Variants in CCDC18 observed in about 807,000 individuals in gnomAD.
CCDC18 encodes coiled-coil domain containing 18.
Under a neutral mutation model 196.0 loss-of-function variants are expected in CCDC18, and 157 were observed. The ratio of observed to expected loss-of-function variants is 0.80; its 90% CI spans 0.70 to 0.91. CCDC18 has a LOEUF of 0.91. CCDC18 is among the 40% of genes least tolerant of loss of function. CCDC18 has a pLI of 0.00. For missense variants in CCDC18, 1,465 were observed against 1,611.6 expected (o/e 0.91, Z 1.56); for synonymous variants, 482 against 529.2 (o/e 0.91, Z 1.22).
chr1:93,236,181 A>G, intron 18 of CCDC18, 67 bp from the exon 19 acceptor site: 1 of 1,255,986 alleles, frequency 8.0e-7, no homozygotes, highest in Non-Finnish European at 1.1e-6. Context: ...CTGATAAGCT[A>G]GGTTACATAT....
Position 93,230,709 on chromosome 1 carries a change from T to A in CCDC18, c.2293-1717T>A, listed in dbSNP as rs112942134. Among the ~76,000 whole-genome samples, 244 of 152,306 alleles carry A rather than the reference T, an allele frequency of 1.6e-3. 1 individual carries two copies. The highest frequency in any genetic ancestry group is 5.5e-3 in the African/African-American group (229 of 41,574). ...GGCTTTGTGTTTTGGTTAGATCTTA[T>A]TTTTTTCTTCTGTTTTGTCTTATTT... On this transcript the variant is annotated intron_variant, in intron 17 of 28. Transcript: ENST00000690025.
At position 93,211,090 on chromosome 1, in the gene CCDC18, C is replaced by T. The variant is rs554466426; in HGVS notation, c.1334+164C>T. On this transcript the variant is annotated intron_variant, in intron 10 of 28. Transcript: ENST00000690025. ...AGGAGTTCGAGACCAGCCTGACCAACATGGTGAAACCTCGTCTCTACTAAA... is the reference window on the plus strand; with the variant it reads ...AGGAGTTCGAGACCAGCCTGACCAATATGGTGAAACCTCGTCTCTACTAAA... Among the ~76,000 whole-genome samples the T allele has an allele frequency of 1.8e-4, 28 of 152,092 alleles. 1 individual carries two copies. Among genetic ancestry groups the T allele is most frequent in the Admixed American group, 2.6e-4 (4 of 15,278 alleles).
intron 18 of CCDC18, among the ~76,000 whole-genome samples, chr1:93,234,134 TG>T (rs1005643239): frequency 1.7e-3 from 254 of 150,788 alleles, no homozygotes; most frequent in African/African-American, 6.0e-3. Context: ...TGTTTTGTTT[TG>T]TTTTTTTTTA....
chr1:93,232,287 T>A (rs1659350133), intron 17 of CCDC18, 139 bp from the exon 18 acceptor site: 1 of 532,630 alleles, frequency 1.9e-6, no homozygotes, highest in Admixed American at 3.5e-5. Flanking sequence ...GTCCTTCCAA[T>A]GACAAACTAT....
intron 28 of CCDC18, chr1:93,271,589 A>T (rs1340396884): frequency 1.1e-6 from 1 of 945,070 alleles, no homozygotes; most frequent in Non-Finnish European, 1.3e-6. Flanking sequence ...AATCCCAGCT[A>T]TCCAGGAGGC....
intron 28 of CCDC18, among the ~76,000 whole-genome samples, chr1:93,274,351 G>A (rs927853229): frequency 1.3e-5 from 2 of 151,934 alleles, no homozygotes; most frequent in Non-Finnish European, 2.9e-5. Context: ...GCAGTGAGCC[G>A]AGACTGCGCC....
chr1:93,196,778 A>G (rs1490311001), intron 6 of CCDC18, among the ~76,000 whole-genome samples: 1 of 152,232 alleles, frequency 6.6e-6, no homozygotes, highest in African/African-American at 2.4e-5. Flanking sequence ...CTGTTACCTC[A>G]CTATGCTAGA....
intron 26 of CCDC18, 173 bp from the exon 27 acceptor site, chr1:93,264,528 T>C: frequency 2.1e-6 from 1 of 483,402 alleles, no homozygotes; most frequent in Non-Finnish European, 3.7e-6. Context: ...ATGGATTCCT[T>C]TGTTCCCTTT....
At chr1:93,218,672 G>T (rs1656901426) in intron 14 of CCDC18, among the ~76,000 whole-genome samples, 1 of 152,058 alleles carries the variant, frequency 6.6e-6, no homozygotes, top group African/African-American at 2.4e-5. Context: ...ACCAAGCCTG[G>T]CTAATTTTTG....
intron 26 of CCDC18, among the ~76,000 whole-genome samples, chr1:93,259,202 GAATT>G (rs1222643079): frequency 5.9e-5 from 9 of 152,188 alleles, no homozygotes; most frequent in South Asian, 2.1e-4. Context: ...AATATTAAAT[GAATT>G]AATATATAAT....
intron 6 of CCDC18, among the ~76,000 whole-genome samples, chr1:93,197,745 C>CTTTTTTTTTT (rs71094240): frequency 2.6e-3 from 200 of 76,006 alleles, no homozygotes; most frequent in African/African-American, 4.4e-3. Flanking sequence ...CTTTTCTTTT[C>CTTTTTTTTTT]TTTTTTTTTT....
chr1:93,246,610 T>TA (rs905486249), intron 22 of CCDC18, among the ~76,000 whole-genome samples: 34 of 152,022 alleles, frequency 2.2e-4, no homozygotes, highest in African/African-American at 5.8e-4. Flanking sequence ...TATGTATTGT[T>TA]AAAAAAAATG....
intron 17 of CCDC18, among the ~76,000 whole-genome samples, chr1:93,230,591 T>C (rs1451521925): frequency 1.3e-5 from 2 of 152,190 alleles, no homozygotes; most frequent in African/African-American, 2.4e-5. Context: ...TTGTAAATAT[T>C]TGTGATAACT....
intron 3 of CCDC18, among the ~76,000 whole-genome samples, chr1:93,185,881 TA>T (rs1438297533): frequency 1.3e-5 from 2 of 151,774 alleles, no homozygotes; most frequent in African/African-American, 4.8e-5. Flanking sequence ...AAAATATATA[TA>T]AAAAGAATAT....
At chr1:93,269,378 A>G (rs1378460951) in intron 27 of CCDC18, among the ~76,000 whole-genome samples, 1 of 151,956 alleles carries the variant, frequency 6.6e-6, no homozygotes, top group East Asian at 1.9e-4. Flanking sequence ...ATACATATGT[A>G]ACAAACCTGC....
intron 28 of CCDC18, among the ~76,000 whole-genome samples, chr1:93,273,269 T>C (rs990730706): frequency 6.6e-6 from 1 of 151,988 alleles, no homozygotes. Context: ...GGGGTTTCAC[T>C]GTGTTAGCCA....
chr1:93,207,463 C>T, intron 9 of CCDC18, 65 bp downstream of exon 9: 1 of 1,218,236 alleles, frequency 8.2e-7, no homozygotes, highest in Non-Finnish European at 1.1e-6. Context: ...AAAAGACTAT[C>T]ATTTTGTGGT....
upstream of CCDC18, chr1:93,179,939 G>A (rs570122389): frequency 3.6e-4 from 414 of 1,161,956 alleles, 1 homozygote; most frequent in African/African-American, 5.9e-3. Flanking sequence ...CTTCCTGAAC[G>A]GCCCTCGCCT....
At position 93,270,349 on chromosome 1, in the gene CCDC18, A is replaced by G. The variant is rs1250152067; in HGVS notation, c.3888A>G (p.Glu1296=). ...EAANEALLTK[E]SELTRLQAKI... ...ACTATGTACCAATTTATCTGCAGGA[A>G]TCAGAATTAACCAGATTACAGGCCA... Residue 1296 remains glutamate, a splice_region_variant and synonymous_variant, in exon 28 of 29, where the codon GAA becomes GAG. Transcript: ENST00000690025. The G allele has an allele frequency of 6.5e-7, 1 of 1,528,324 alleles. No individual in the cohort carries two copies. The highest frequency in any genetic ancestry group is 1.7e-4 in the Middle Eastern group (1 of 5,948). The allele number at this position is 1,528,324 out of a possible 1,614,324, so 94.7% of individuals were successfully genotyped here. A position where few individuals can be genotyped will look rare whatever the true frequency, so the allele number is the denominator to read the frequency against.
Sources: allele counts gnomAD v4.1 joint callset (sites outside exome capture counted in the v4.1 genomes callset), GRCh38; gene constraint gnomAD v4.1.1; transcripts MANE v1.5; gene names NCBI Gene and HGNC (gene_info 2026-07-23, HGNC 2026-07-21).